Variants in FER1L6 observed in about 807,000 individuals in gnomAD.
FER1L6 encodes the protein fer-1 like family member 6, also known as fer-1-like protein 6.
A neutral mutation model predicts 219.2 loss-of-function variants in FER1L6; 177 were observed. That is an observed-to-expected ratio of 0.81 (90% CI 0.71 to 0.91). FER1L6 has a LOEUF of 0.91. Ranked by LOEUF, FER1L6 falls within the 40% of genes least tolerant of loss-of-function variation. The probability of loss-of-function intolerance (pLI) is 0.00; values close to 1 mark genes in which losing one functional copy is unlikely to be tolerated. For synonymous variants in FER1L6, 768 were observed against 824.3 expected (o/e 0.93, Z 1.17); for missense variants, 2,153 against 2,259.9 (o/e 0.95, Z 0.96).
intron 17 of FER1L6, among the ~76,000 whole-genome samples, chr8:124,022,022 T>G (rs1818478923): frequency 6.6e-6 from 1 of 152,242 alleles, no homozygotes; most frequent in South Asian, 2.1e-4. Flanking sequence ...TAAAGTTAGT[T>G]GTAAACGGTG....
At chr8:124,004,477 G>T (rs2130515145) in intron 13 of FER1L6, among the ~76,000 whole-genome samples, 1 of 152,184 alleles carries the variant, frequency 6.6e-6, no homozygotes, top group East Asian at 1.9e-4. Context: ...TTTCAATCTA[G>T]ACACTCTCTG....
intron 1 of FER1L6, among the ~76,000 whole-genome samples, chr8:123,888,862 G>C (rs1029497104): frequency 6.6e-6 from 1 of 152,194 alleles, no homozygotes. Context: ...TATGCCCTAT[G>C]TCTTGTCTAC....
chr8:124,088,131 C>A (rs1440470299), intron 33 of FER1L6, among the ~76,000 whole-genome samples: 1 of 152,158 alleles, frequency 6.6e-6, no homozygotes, highest in African/African-American at 2.4e-5. Context: ...TCCTTCCCCC[C>A]AGGCCTCTAG....
Position 124,017,674 on chromosome 8 carries a change from A to T in FER1L6, c.1969A>T (p.Thr657Ser). 1 of 1,613,916 alleles carries T rather than the reference A, an allele frequency of 6.2e-7. No individual in the cohort carries two copies. The highest frequency in any genetic ancestry group is 1.7e-5 in the Admixed American group (1 of 60,016). The change falls in exon 16 of 41, where the codon ACC becomes TCC. Residue 657 changes from threonine to serine, a missense_variant. Thr to Ser is a moderately conservative substitution (Grantham distance 58). Coordinates refer to ENST00000522917, the MANE Select transcript of FER1L6 (RefSeq NM_001039112.2). ...AEKKPKMLNQ[T>S]TLDKKRLTLC... ...AAAAAAGCCCAAGATGTTGAACCAA[A>T]CCACTTTAGATAAGAAGCGACTTAC...
chr8:123,945,475 C>A (rs1272610199), intron 1 of FER1L6, among the ~76,000 whole-genome samples: 1 of 152,222 alleles, frequency 6.6e-6, no homozygotes, highest in South Asian at 2.1e-4. Flanking sequence ...AAAATGCCTT[C>A]AAAGTTATGT....
At chr8:124,116,406 C>T (rs1050022558) in intron 39 of FER1L6, among the ~76,000 whole-genome samples, 2 of 151,624 alleles carry the variant, frequency 1.3e-5, no homozygotes, top group African/African-American at 4.9e-5. Context: ...AAAGGGCATG[C>T]ATGAAACACC....
chr8:123,982,065 T>A (rs1816347856), intron 11 of FER1L6, among the ~76,000 whole-genome samples: 1 of 152,182 alleles, frequency 6.6e-6, no homozygotes, highest in Admixed American at 6.5e-5. Flanking sequence ...TTGGGAAATA[T>A]TATCTGAAAA....
intron 25 of FER1L6, among the ~76,000 whole-genome samples, chr8:124,063,359 A>G (rs936842006): frequency 3.3e-5 from 5 of 152,322 alleles, no homozygotes; most frequent in African/African-American, 9.6e-5. Flanking sequence ...TTGTTTAAGG[A>G]ACGCTTTCTC....
intron 1 of FER1L6, among the ~76,000 whole-genome samples, chr8:123,918,957 G>A (rs1052502300): frequency 1.3e-5 from 2 of 152,114 alleles, no homozygotes; most frequent in Non-Finnish European, 2.9e-5. Flanking sequence ...GTCCAGCAGG[G>A]GACATACAGT....
At chr8:123,992,436 G>A (rs1816904326) in intron 12 of FER1L6, among the ~76,000 whole-genome samples, 1 of 152,034 alleles carries the variant, frequency 6.6e-6, no homozygotes, top group Non-Finnish European at 1.5e-5. Context: ...ATCTAGGAAT[G>A]TTGTATATTT....
At chr8:124,042,087 A>G (rs997455183) in intron 20 of FER1L6, among the ~76,000 whole-genome samples, 1 of 151,228 alleles carries the variant, frequency 6.6e-6, no homozygotes, top group Non-Finnish European at 1.5e-5. Context: ...GCCCTCCTCC[A>G]CCTGCCACAA....
intron 39 of FER1L6, among the ~76,000 whole-genome samples, chr8:124,112,106 A>G (rs575161035): frequency 6.1e-4 from 93 of 152,264 alleles, no homozygotes; most frequent in Non-Finnish European, 7.6e-4. Context: ...GTATAAAATC[A>G]CTAGGTTAGA....
intron 3 of FER1L6, among the ~76,000 whole-genome samples, chr8:123,964,023 G>T (rs940001817): frequency 3.3e-5 from 5 of 152,238 alleles, no homozygotes; most frequent in Admixed American, 2.6e-4. Flanking sequence ...GCCTAGTACT[G>T]CTTCAGCTGA....
Position 124,061,926 on chromosome 8 carries a change from T to C in FER1L6, c.3222T>C (p.Ser1074=), listed in dbSNP as rs764442627. 9.9e-6 allele frequency: 16 copies of C among 1,613,940 alleles called. No homozygotes were observed. Among genetic ancestry groups the C allele is most frequent in the Non-Finnish European group, 1.4e-5 (16 of 1,180,008 alleles). The change falls in exon 25 of 41, where the codon AGT becomes AGC. Residue 1074 remains serine, a synonymous_variant. Transcript: ENST00000522917. ...TGGACTGGAGAGCTTTTGGGAGGAG[T>C]ACCCTTGTGGGCACCTACACCATCA... The part of the protein sequence containing the change: ...CVVDWRAFGR[S]TLVGTYTINY...
chr8:124,067,721 TAAATC>T, intron 27 of FER1L6, 41 bp from the exon 28 acceptor site: 2 of 1,505,114 alleles, frequency 1.3e-6, no homozygotes, highest in South Asian at 2.3e-5. Context: ...AGTCAATTAA[TAAATC>T]AAGTATTGTG....
intron 22 of FER1L6, among the ~76,000 whole-genome samples, chr8:124,058,371 T>C (rs1820404797): frequency 6.6e-6 from 1 of 152,226 alleles, no homozygotes; most frequent in Non-Finnish European, 1.5e-5. Flanking sequence ...CCCATCCTGC[T>C]CACCACCATT....
At chr8:123,908,067 A>C (rs1310573098) in intron 1 of FER1L6, among the ~76,000 whole-genome samples, 2 of 152,194 alleles carry the variant, frequency 1.3e-5, no homozygotes, top group African/African-American at 4.8e-5. Context: ...ACCATACCTG[A>C]TAAACTGTTA....
chr8:123,902,746 T>C (rs150047436), intron 1 of FER1L6, among the ~76,000 whole-genome samples: 116 of 152,346 alleles, frequency 7.6e-4, no homozygotes, highest in African/African-American at 2.7e-3. Flanking sequence ...TGTGGTTCTG[T>C]ATCTTTTAAG....
intron 1 of FER1L6, among the ~76,000 whole-genome samples, chr8:123,949,363 TG>T (rs1814647856): frequency 6.6e-6 from 1 of 151,876 alleles, no homozygotes; most frequent in South Asian, 2.1e-4. Context: ...AAAAAAAAAA[TG>T]AGGTTCAGAG....
Sources: allele counts gnomAD v4.1 joint callset (sites outside exome capture counted in the v4.1 genomes callset), GRCh38; gene constraint gnomAD v4.1.1; transcripts MANE v1.5; gene names NCBI Gene and HGNC (gene_info 2026-07-23, HGNC 2026-07-21).